Variants in ATRNL1 observed in about 807,000 individuals in gnomAD.
ATRNL1 encodes the protein attractin-like protein 1.
A neutral mutation model predicts 182.7 loss-of-function variants in ATRNL1; 95 were observed. The observed-to-expected ratio is 0.52, with a 90% CI of 0.44 to 0.62. ATRNL1 has a LOEUF of 0.62. ATRNL1 is among the 20% of genes least tolerant of loss of function. ATRNL1 has a pLI of 0.00. For synonymous variants in ATRNL1, 576 were observed against 568.3 expected (o/e 1.01, Z -0.19); for missense variants, 1,471 against 1,679.5 (o/e 0.88, Z 2.17).
At chr10:115,746,714 A>G (rs1238367407) in intron 27 of ATRNL1, among the ~76,000 whole-genome samples, 2 of 152,074 alleles carry the variant, frequency 1.3e-5, no homozygotes, top group Non-Finnish European at 1.5e-5. Context: ...AACAGGTTTT[A>G]ATTAAGAATA....
rs145745776 is a variant in ATRNL1 at position 115,669,785 on chromosome 10, A to C, written c.3796-57463A>C. 1.3e-3 allele frequency among the ~76,000 whole-genome samples: 198 copies of C among 152,230 alleles called. 1 individual carries two copies. The highest frequency in any genetic ancestry group is 2.2e-3 in the Non-Finnish European group (151 of 67,986). Reference sequence around the variant, plus strand: ...TGCCCTTTCTTCTACAACTTTGGTCAAATTTCAGGTGTTTAATTCCCATAT... The same window carrying C: ...TGCCCTTTCTTCTACAACTTTGGTCCAATTTCAGGTGTTTAATTCCCATAT... On this transcript the variant is annotated intron_variant, in intron 26 of 28. Transcript: ENST00000355044.
chr10:115,454,337 C>T (rs1414030952), intron 21 of ATRNL1, among the ~76,000 whole-genome samples: 1 of 151,914 alleles, frequency 6.6e-6, no homozygotes, highest in Non-Finnish European at 1.5e-5. Context: ...GGGTATGATA[C>T]CTCCAGCCTT....
intron 13 of ATRNL1, among the ~76,000 whole-genome samples, chr10:115,276,281 A>T (rs1378633340): frequency 6.6e-6 from 1 of 152,246 alleles, no homozygotes; most frequent in African/African-American, 2.4e-5. Flanking sequence ...TCACATTGGG[A>T]TTGGGTTTCA....
At position 115,122,504 on chromosome 10, in the gene ATRNL1, A is replaced by G. The variant is rs141851494; in HGVS notation, c.491+692A>G. On this transcript the variant is annotated intron_variant, in intron 3 of 28. Coordinates refer to ENST00000355044, the MANE Select transcript of ATRNL1 (RefSeq NM_207303.4). ...TGATTGTTGATAAGTTACTCATTAT[A>G]TTATTTACTTTTGCTATTTATACAA... Among the ~76,000 whole-genome samples, 609 of 152,072 alleles carry G rather than the reference A, an allele frequency of 4.0e-3. 6 individuals are homozygous for G. The highest frequency in any genetic ancestry group is 0.014 in the African/African-American group (579 of 41,558).
At chr10:115,299,749 A>G (rs1853381134) in intron 15 of ATRNL1, among the ~76,000 whole-genome samples, 1 of 152,190 alleles carries the variant, frequency 6.6e-6, no homozygotes, top group South Asian at 2.1e-4. Flanking sequence ...AGATAATTAT[A>G]TCTCCACTTT....
chr10:115,303,126 T>TC (rs1301864980), intron 17 of ATRNL1, among the ~76,000 whole-genome samples: 1 of 151,604 alleles, frequency 6.6e-6, no homozygotes, highest in Non-Finnish European at 1.5e-5. Context: ...TTATGTCCTT[T>TC]TTTTTTTGAA....
At chr10:115,525,779 A>G (rs137959354) in intron 25 of ATRNL1, among the ~76,000 whole-genome samples, 3 of 151,422 alleles carry the variant, frequency 2.0e-5, no homozygotes, top group Admixed American at 6.6e-5. Flanking sequence ...AGGGTATTAC[A>G]TCTCTGTGGT....
At chr10:115,669,157 C>G (rs1440686857) in intron 26 of ATRNL1, among the ~76,000 whole-genome samples, 1 of 151,924 alleles carries the variant, frequency 6.6e-6, no homozygotes. Flanking sequence ...TTAAAGTGGT[C>G]CACTACCCCA....
At chr10:115,521,623 A>G (rs1850941616) in intron 25 of ATRNL1, among the ~76,000 whole-genome samples, 1 of 152,178 alleles carries the variant, frequency 6.6e-6, no homozygotes, top group Admixed American at 6.5e-5. Flanking sequence ...TCTTTTGTTA[A>G]GTAAAAGAAA....
Position 115,268,455 on chromosome 10 carries a change from AT to A in ATRNL1, c.2100+12del, listed in dbSNP as rs1309397753. On this transcript the variant is annotated intron_variant, in intron 13 of 28. Transcript: ENST00000355044. Reference sequence around the variant, plus strand: ...AGTAACTGCAGTATGGTTAGTATTTATGGGTAAATGGTGCTGTAGTTACAAC... The same window carrying A: ...AGTAACTGCAGTATGGTTAGTATTTAGGGTAAATGGTGCTGTAGTTACAAC... 1 of 1,496,382 alleles carries A rather than the reference AT, an allele frequency of 6.7e-7. No homozygotes were observed. Among genetic ancestry groups the A allele is most frequent in the Non-Finnish European group, 9.3e-7 (1 of 1,072,988 alleles). The allele number at this position is 1,496,382 out of a possible 1,614,324, so 92.7% of individuals were successfully genotyped here. A position where few individuals can be genotyped will look rare whatever the true frequency, so the allele number is the denominator to read the frequency against.
chr10:115,160,599 C>T (rs560285110), intron 6 of ATRNL1, among the ~76,000 whole-genome samples: 3 of 151,472 alleles, frequency 2.0e-5, no homozygotes, highest in Admixed American at 2.0e-4. Flanking sequence ...TTTTAGTGTA[C>T]CTGAACTTTA....
At chr10:115,880,888 TAA>T (rs781840299) in intron 28 of ATRNL1, among the ~76,000 whole-genome samples, 1 of 152,208 alleles carries the variant, frequency 6.6e-6, no homozygotes, top group Non-Finnish European at 1.5e-5. Context: ...CAGGTAATCA[TAA>T]GAGTTGTTTT....
At chr10:115,378,344 A>T (rs538973258) in intron 19 of ATRNL1, among the ~76,000 whole-genome samples, 28 of 152,326 alleles carry the variant, frequency 1.8e-4, no homozygotes, top group African/African-American at 5.5e-4. Context: ...TTCAGGCTGC[A>T]GTCAAGATGA....
intron 19 of ATRNL1, among the ~76,000 whole-genome samples, chr10:115,389,590 ATT>A (rs1843912278): frequency 3.0e-5 from 3 of 99,840 alleles, no homozygotes; most frequent in African/African-American, 1.3e-4. Flanking sequence ...ATATATATAT[ATT>A]TCATCCAATG....
intron 8 of ATRNL1, among the ~76,000 whole-genome samples, chr10:115,182,004 A>G (rs545212640): frequency 6.6e-6 from 1 of 151,808 alleles, no homozygotes; most frequent in South Asian, 2.1e-4. Flanking sequence ...TAAATCTCAG[A>G]CTATGGATCT....
At chr10:115,258,511 G>A (rs988337157) in intron 10 of ATRNL1, among the ~76,000 whole-genome samples, 5 of 151,938 alleles carry the variant, frequency 3.3e-5, no homozygotes, top group Admixed American at 6.6e-5. Flanking sequence ...TTAGCCATTC[G>A]TCTAATCTTT....
chr10:115,839,985 A>G (rs1292673699), intron 27 of ATRNL1, among the ~76,000 whole-genome samples: 2 of 152,176 alleles, frequency 1.3e-5, no homozygotes, highest in Admixed American at 6.5e-5. Context: ...GATTTTGTTT[A>G]TAACTTTGAG....
chr10:115,524,664 C>G (rs1325961923), intron 25 of ATRNL1, among the ~76,000 whole-genome samples: 1 of 152,110 alleles, frequency 6.6e-6, no homozygotes, highest in Non-Finnish European at 1.5e-5. Flanking sequence ...ATCCTATAAG[C>G]CAGGGACACA....
intron 26 of ATRNL1, among the ~76,000 whole-genome samples, chr10:115,604,176 A>C (rs1159274974): frequency 6.6e-6 from 1 of 151,926 alleles, no homozygotes; most frequent in Admixed American, 6.6e-5. Context: ...TATTTTTGTA[A>C]ATTTACATTA....
Sources: gnomAD v4.1 joint callset for allele counts (sites outside exome capture counted in the v4.1 genomes callset) on GRCh38, gnomAD v4.1.1 for gene constraint, MANE v1.5 for transcripts, NCBI Gene and HGNC (gene_info 2026-07-23, HGNC 2026-07-21) for gene names.